Variants in POU6F2 observed in about 807,000 individuals in gnomAD.
POU6F2 encodes POU domain, class 6, transcription factor 2.
Under a neutral mutation model 71.3 loss-of-function variants are expected in POU6F2, and 31 were observed. That is an observed-to-expected ratio of 0.43 (90% CI 0.33 to 0.59). The LOEUF (loss-of-function observed/expected upper bound fraction) is 0.59. Among genes scored for constraint, POU6F2 ranks in the 20% least tolerant of loss-of-function variants. The probability of loss-of-function intolerance (pLI) is 0.04; values close to 1 mark genes in which losing one functional copy is unlikely to be tolerated. For missense variants in POU6F2, 783 were observed against 856.8 expected (o/e 0.91, Z 1.07); for synonymous variants, 347 against 355.7 (o/e 0.98, Z 0.27).
chr7:39,422,009 A>G lies in POU6F2; in HGVS notation c.1114-11068A>G, dbSNP rs116541163. Among the ~76,000 whole-genome samples the G allele has an allele frequency of 7.5e-3, 1,141 of 152,340 alleles. 13 individuals carry two copies. The highest frequency in any genetic ancestry group is 0.026 in the African/African-American group (1,062 of 41,576). ...CTCACGAAGTTGGTCTTTCCGCAAA[A>G]TGATGGCTTCACCACAGTTGTGCTT... On this transcript the variant is annotated intron_variant, in intron 6 of 9. Transcript: ENST00000518318.
chr7:39,421,492 C>T (rs969331167), intron 6 of POU6F2, among the ~76,000 whole-genome samples: 1 of 152,080 alleles, frequency 6.6e-6, no homozygotes, highest in Non-Finnish European at 1.5e-5. Context: ...TTCTTAGAGG[C>T]TTGTTTTGTT....
intron 4 of POU6F2, among the ~76,000 whole-genome samples, chr7:39,266,602 C>A (rs555749028): frequency 6.6e-6 from 1 of 151,792 alleles, no homozygotes; most frequent in Non-Finnish European, 1.5e-5. Flanking sequence ...GTGATCATAG[C>A]TCACCATAGC....
rs1404231512 is a variant in POU6F2, at chr7:39,204,283, A to C, written c.326A>C (p.His109Pro). The C allele has an allele frequency of 6.2e-7, 1 of 1,613,778 alleles. No homozygotes were observed. Among genetic ancestry groups the C allele is most frequent in the Non-Finnish European group, 8.5e-7 (1 of 1,179,806 alleles). The change falls in exon 3 of 10, where the codon CAC (histidine) becomes CCC (proline). Residue 109 changes from histidine (H) to proline (P), a missense_variant. Transcript: ENST00000518318. ...TCAGACCCAGGCACTCCTGACCAACACCAGGCCAGTCAGACCCACCCCCCA... is the reference window on the plus strand; with the variant it reads ...TCAGACCCAGGCACTCCTGACCAACCCCAGGCCAGTCAGACCCACCCCCCA... ...ALSDPGTPDQ[H>P]QASQTHPPFP...
At chr7:39,146,606 G>T (rs529871761) in intron 2 of POU6F2, among the ~76,000 whole-genome samples, 326 of 152,370 alleles carry the variant, frequency 2.1e-3, no homozygotes, top group South Asian at 4.8e-3. Flanking sequence ...AAAGTGCTTA[G>T]CAGTGGTTGG....
chr7:39,240,752 C>A (rs1459860223), intron 4 of POU6F2, among the ~76,000 whole-genome samples: 1 of 152,072 alleles, frequency 6.6e-6, no homozygotes, highest in Non-Finnish European at 1.5e-5. Flanking sequence ...ATAATAGTTT[C>A]TTTGATAAAT....
intron 4 of POU6F2, among the ~76,000 whole-genome samples, chr7:39,281,193 C>T (rs754873494): frequency 1.3e-5 from 2 of 151,856 alleles, no homozygotes; most frequent in Non-Finnish European, 2.9e-5. Flanking sequence ...ACTGTATATA[C>T]TTGTGGGGTA....
At chr7:39,084,389 A>G (rs1475079402) in intron 1 of POU6F2, among the ~76,000 whole-genome samples, 1 of 152,210 alleles carries the variant, frequency 6.6e-6, no homozygotes, top group Non-Finnish European at 1.5e-5. Context: ...GATTCAATTA[A>G]GTATTAATTT....
rs576313276 is a variant in POU6F2, at chr7:38,993,397, C to T, written c.105+15339C>T. ...TTATTTGAATGAGTGTCATGCATAA[C>T]GGTTATAATTTTCAAGTTTTAAATT... On this transcript the variant is annotated intron_variant, in intron 1 of 9. Coordinates refer to ENST00000518318, the MANE Select transcript of POU6F2 (RefSeq NM_001370959.1). Among the ~76,000 whole-genome samples the T allele has an allele frequency of 9.9e-5, 15 of 151,994 alleles. No homozygotes were observed. The East Asian group carries it at 1.2e-3, about 12-fold the overall frequency.
intron 7 of POU6F2, among the ~76,000 whole-genome samples, chr7:39,438,743 C>T (rs900012124): frequency 1.3e-5 from 2 of 152,178 alleles, no homozygotes; most frequent in African/African-American, 2.4e-5. Context: ...GATTTCAGTT[C>T]TTTCACATTT....
chr7:39,442,844 A>G (rs1490938608), intron 7 of POU6F2, among the ~76,000 whole-genome samples: 1 of 152,206 alleles, frequency 6.6e-6, no homozygotes, highest in Non-Finnish European at 1.5e-5. Flanking sequence ...TTAACATTTA[A>G]TATAAAGTAG....
rs1392103658 is a variant in POU6F2, at chr7:39,008,389, T to C, written c.105+30331T>C. 1.4e-4 allele frequency among the ~76,000 whole-genome samples: 22 copies of C among 152,238 alleles called. No individual in the cohort carries two copies. In the South Asian group the frequency reaches 3.7e-3, roughly 26 times the overall value. ...TGATGGGGTTGTTTTTTCTTGTAAATTTGTTTGAGTTCATTGTAGATTCTG... is the reference window on the plus strand; with the variant it reads ...TGATGGGGTTGTTTTTTCTTGTAAACTTGTTTGAGTTCATTGTAGATTCTG... On this transcript the variant is annotated intron_variant, in intron 1 of 9. Coordinates refer to ENST00000518318, the MANE Select transcript of POU6F2 (RefSeq NM_001370959.1).
At chr7:39,262,764 A>G (rs1025208201) in intron 4 of POU6F2, among the ~76,000 whole-genome samples, 2 of 152,222 alleles carry the variant, frequency 1.3e-5, no homozygotes, top group Non-Finnish European at 2.9e-5. Flanking sequence ...TTTTCCAACC[A>G]ACATGAATCA....
intron 2 of POU6F2, among the ~76,000 whole-genome samples, chr7:39,114,204 A>G (rs1365141508): frequency 6.6e-6 from 1 of 152,192 alleles, no homozygotes; most frequent in Non-Finnish European, 1.5e-5. Context: ...TTTCTTTGTC[A>G]TTTTTATCAT....
intron 6 of POU6F2, among the ~76,000 whole-genome samples, chr7:39,423,080 C>T (rs1787889101): frequency 6.6e-6 from 1 of 152,184 alleles, no homozygotes; most frequent in African/African-American, 2.4e-5. Context: ...GAAGGGTTAA[C>T]TCGGCTGTCC....
intron 1 of POU6F2, among the ~76,000 whole-genome samples, chr7:39,067,087 CA>C (rs1790772094): frequency 6.8e-6 from 1 of 147,588 alleles, no homozygotes; most frequent in Non-Finnish European, 1.5e-5. Context: ...TTAACGTATA[CA>C]CACATATATA....
At chr7:38,998,838 T>TTTTTTTTTTTTTTTG (rs869182741) in intron 1 of POU6F2, among the ~76,000 whole-genome samples, 8 of 141,328 alleles carry the variant, frequency 5.7e-5, no homozygotes, top group African/African-American at 7.9e-5. Flanking sequence ...TTTTTTTTTT[T>TTTTTTTTTTTTTTTG]TATTTTCAGT....
intron 2 of POU6F2, among the ~76,000 whole-genome samples, chr7:39,194,558 GCGCTCTGTAAAGTGGACCAA>G: frequency 1.8e-4 from 1 of 5,696 alleles, no homozygotes; most frequent in African/African-American, 5.2e-3. Flanking sequence ...GGACCAATCA[GCGCTCTGTAAAGTGGACCAA>G]TCAGCGCTCT....
chr7:39,307,954 CAA>C (rs61368817), intron 4 of POU6F2, among the ~76,000 whole-genome samples: 11 of 113,592 alleles, frequency 9.7e-5, no homozygotes, highest in Admixed American at 1.8e-4. Flanking sequence ...GATTCCGTTT[CAA>C]AAAAAAAAAA....
At chr7:39,241,119 G>A (rs1433744294) in intron 4 of POU6F2, among the ~76,000 whole-genome samples, 1 of 152,064 alleles carries the variant, frequency 6.6e-6, no homozygotes, top group East Asian at 1.9e-4. Flanking sequence ...CTTATTGGCT[G>A]GAATTAGGTC....
Sources: gnomAD v4.1 joint callset for allele counts (sites outside exome capture counted in the v4.1 genomes callset) on GRCh38, gnomAD v4.1.1 for gene constraint, MANE v1.5 for transcripts, NCBI Gene and HGNC (gene_info 2026-07-23, HGNC 2026-07-21) for gene names.